The following SETBP1 variants were observed in gnomAD, a reference collection of about 807,000 sequenced individuals.
The protein encoded by SETBP1 is SET-binding protein.
SETBP1 carries 9 observed loss-of-function variants against 101.0 expected under a neutral mutation model. The observed-to-expected ratio is 0.09, with a 90% confidence interval of 0.05 to 0.16. The LOEUF (loss-of-function observed/expected upper bound fraction) is 0.16, where lower values mean the gene tolerates loss of function less well. Ranked by LOEUF, SETBP1 falls within the 10% of genes least tolerant of loss-of-function variation. SETBP1 has a pLI of 1.00. For synonymous variants in SETBP1, 818 were observed against 788.5 expected, an observed-to-expected ratio of 1.04 and a Z score of -0.63; for missense variants, 1,858 against 2,033.8, an observed-to-expected ratio of 0.91 and a Z score of 1.66.
chr18:44,816,135 A>C (rs2071970274), intron 2 of SETBP1, among the ~76,000 whole-genome samples: 1 of 152,166 alleles, frequency 6.6e-6, no homozygotes, highest in South Asian at 2.1e-4. Flanking sequence ...GCTCCAAGGG[A>C]TCGTCCCATA....
chr18:44,776,287 T>C (rs2071000715), intron 2 of SETBP1, among the ~76,000 whole-genome samples: 1 of 152,218 alleles, frequency 6.6e-6, no homozygotes, highest in Admixed American at 6.5e-5. Context: ...TTACTGTTCC[T>C]GATTGACATC....
intron 3 of SETBP1, chr18:44,877,528 T>G (rs2069435418): frequency 4.9e-6 from 1 of 202,092 alleles, no homozygotes; most frequent in Admixed American, 6.5e-5. Flanking sequence ...CTTGCTACTT[T>G]TAGGATAACT....
chr18:44,854,975 A>G (rs1193455991), intron 2 of SETBP1, among the ~76,000 whole-genome samples: 1 of 152,184 alleles, frequency 6.6e-6, no homozygotes, highest in Non-Finnish European at 1.5e-5. Context: ...TATTCATGTC[A>G]GTAACTTTGC....
intron 2 of SETBP1, among the ~76,000 whole-genome samples, chr18:44,811,242 C>T (rs1052520880): frequency 4.6e-5 from 7 of 152,190 alleles, no homozygotes; most frequent in Admixed American, 2.0e-4. Context: ...AAACATTTTC[C>T]GGGCTGCAAC....
chr18:44,940,215 TG>T (rs1313776200), intron 3 of SETBP1, among the ~76,000 whole-genome samples: 2 of 152,216 alleles, frequency 1.3e-5, no homozygotes, highest in Non-Finnish European at 2.9e-5. Context: ...TTAGTGTTTG[TG>T]TGGTATGTCT....
intron 2 of SETBP1, among the ~76,000 whole-genome samples, chr18:44,753,936 C>G (rs16978152): frequency 6.6e-6 from 1 of 152,136 alleles, no homozygotes; most frequent in Non-Finnish European, 1.5e-5. Context: ...GTTGGCTGTT[C>G]GAAGGTAGCT....
At chr18:44,850,229 A>T (rs1169124749) in intron 2 of SETBP1, among the ~76,000 whole-genome samples, 1 of 151,994 alleles carries the variant, frequency 6.6e-6, no homozygotes, top group East Asian at 1.9e-4. Flanking sequence ...AATGCATACA[A>T]CTCACAAAGG....
chr18:44,691,931 A>C (rs567833783), intron 1 of SETBP1, among the ~76,000 whole-genome samples: 6 of 152,256 alleles, frequency 3.9e-5, no homozygotes, highest in Non-Finnish European at 5.9e-5. Flanking sequence ...CACCAGCTCT[A>C]AATGGTGGAG....
intron 2 of SETBP1, among the ~76,000 whole-genome samples, chr18:44,866,600 A>T (rs2069134864): frequency 6.6e-6 from 1 of 152,218 alleles, no homozygotes; most frequent in Admixed American, 6.5e-5. Flanking sequence ...ACAGCACGAA[A>T]CAAAACTAGG....
intron 4 of SETBP1, among the ~76,000 whole-genome samples, chr18:45,020,558 A>T (rs555813027): frequency 1.3e-5 from 2 of 152,322 alleles, no homozygotes; most frequent in African/African-American, 4.8e-5. Context: ...AATTTCCTAC[A>T]GTTTAGGAGC....
intron 2 of SETBP1, among the ~76,000 whole-genome samples, chr18:44,734,391 G>A (rs551377472): frequency 6.6e-6 from 1 of 152,268 alleles, no homozygotes; most frequent in South Asian, 2.1e-4. Flanking sequence ...TGTATATTCT[G>A]GGAGTGTGTA....
chr18:44,866,336 T>C (rs746508242), intron 2 of SETBP1, among the ~76,000 whole-genome samples: 16 of 152,242 alleles, frequency 1.1e-4, no homozygotes, highest in Admixed American at 2.6e-4. Context: ...ATCTTAAGCC[T>C]GCCTCTCACA....
At chr18:44,888,721 C>G (rs2069704065) in intron 3 of SETBP1, among the ~76,000 whole-genome samples, 1 of 151,918 alleles carries the variant, frequency 6.6e-6, no homozygotes, top group African/African-American at 2.4e-5. Flanking sequence ...GACAGCTTAC[C>G]CAGGGGTTTA....
Position 44,709,489 on chromosome 18 carries a change from G to A in SETBP1, c.486+7657G>A, listed in dbSNP as rs1202315623. Among the ~76,000 whole-genome samples the A allele has an allele frequency of 3.9e-5, 6 of 152,174 alleles. No homozygotes were observed. The South Asian group carries it at 6.2e-4, about 16-fold the overall frequency. On this transcript the variant is annotated intron_variant, in intron 2 of 5. Coordinates refer to ENST00000649279, the MANE Select transcript of SETBP1 (RefSeq NM_015559.3). ...TAGGCAAGACTTAACCTCTTGAAAC[G>A]TTTCCTGACAGTTGGAAAATCAGGG...
chr18:44,821,283 A>G (rs1487645827), intron 2 of SETBP1, among the ~76,000 whole-genome samples: 2 of 152,172 alleles, frequency 1.3e-5, no homozygotes, highest in Admixed American at 1.3e-4. Context: ...AATTAAATCC[A>G]AACTCTGGAA....
intron 2 of SETBP1, among the ~76,000 whole-genome samples, chr18:44,735,079 T>C (rs979415938): frequency 5.3e-5 from 8 of 152,230 alleles, no homozygotes; most frequent in African/African-American, 1.7e-4. Context: ...ATTGTAAAGT[T>C]GGAAAGCCAC....
intron 2 of SETBP1, among the ~76,000 whole-genome samples, chr18:44,790,450 A>G (rs369607328): frequency 6.6e-6 from 1 of 152,360 alleles, no homozygotes. Context: ...AGTTAAAACC[A>G]GCCAGACCTT....
intron 4 of SETBP1, among the ~76,000 whole-genome samples, chr18:45,017,816 T>TACCTCACTTTAGCACGTTCCC (rs1483496856): frequency 6.6e-6 from 1 of 152,260 alleles, no homozygotes; most frequent in Non-Finnish European, 1.5e-5. Context: ...ACTGCGTCCC[T>TACCTCACTTTAGCACGTTCCC]ACCTCACTTT....
At chr18:44,805,563 C>T (rs1298170353) in intron 2 of SETBP1, among the ~76,000 whole-genome samples, 3 of 152,276 alleles carry the variant, frequency 2.0e-5, no homozygotes, top group Admixed American at 1.3e-4. Flanking sequence ...TTACCCTGGA[C>T]ATCTCCTTTT....
Sources: allele counts gnomAD v4.1 joint callset (sites outside exome capture counted in the v4.1 genomes callset), GRCh38; gene constraint gnomAD v4.1.1; transcripts MANE v1.5; gene names NCBI Gene and HGNC (gene_info 2026-07-23, HGNC 2026-07-21).